The following TEX36 variants were observed in gnomAD, a reference collection of about 807,000 sequenced individuals.
TEX36 encodes the protein testis expressed 36.
TEX36 carries 12 observed loss-of-function variants against 13.6 expected under a neutral mutation model. The ratio of observed to expected loss-of-function variants is 0.88; its 90% CI spans 0.56 to 1.43. The LOEUF is 1.43. Among genes scored for constraint, TEX36 ranks in the 40% most tolerant of loss-of-function variants. TEX36 has a pLI of 0.00. For missense variants in TEX36, 224 were observed against 228.3 expected (o/e 0.98, Z 0.12); for synonymous variants, 93 against 83.0 (o/e 1.12, Z -0.65).
chr10:125,628,461 C>T (rs1188000108), intron 3 of TEX36, among the ~76,000 whole-genome samples: 1 of 149,614 alleles, frequency 6.7e-6, no homozygotes, highest in African/African-American at 2.5e-5. Context: ...AGAAAAGAAG[C>T]TGCTTTTTAG....
At position 125,679,625 on chromosome 10, in the gene TEX36, G is replaced by T. The variant is rs145791701; in HGVS notation, c.51+3314C>A. Among the ~76,000 whole-genome samples the T allele has an allele frequency of 3.8e-4, 58 of 152,316 alleles. No individual in the cohort carries two copies. In the East Asian group the frequency reaches 0.011, roughly 29 times the overall value. On this transcript the variant is annotated intron_variant, in intron 1 of 3. Coordinates refer to ENST00000368821, the MANE Select transcript of TEX36 (RefSeq NM_001128202.3). ...CTCACTTACCCTTTCCCCATGTTGG[G>T]AAGTCACTCCTGGCTCCCAGCCGAT...
In TEX36 at chr10:125,656,092, T is replaced by A. The variant is rs199647763; in HGVS notation, c.369A>T (p.Ser123=). Residue 123 remains serine, a synonymous_variant, in exon 4 of 4, where the codon TCA becomes TCT. Coordinates refer to ENST00000368821, the MANE Select transcript of TEX36 (RefSeq NM_001128202.3). ...TATATACGTATGATATTTGGTTATT[T>A]GAAAAGCCATCAAGACAAGATGGAA... ...DYVPSCLDGF[S]NNQISYVYKE... 2,898 of 1,551,426 alleles carry A rather than the reference T, an allele frequency of 1.9e-3. 19 individuals are homozygous for A. The highest frequency in any genetic ancestry group is 0.015 in the South Asian group (1,257 of 84,004).
chr10:125,615,948 C>T (rs1278592872), intron 3 of TEX36, among the ~76,000 whole-genome samples: 1 of 152,152 alleles, frequency 6.6e-6, no homozygotes, highest in Non-Finnish European at 1.5e-5. Flanking sequence ...TTGATTATTG[C>T]CACAATTTCA....
At chr10:125,593,188 C>T (rs1490014167) in intron 3 of TEX36, among the ~76,000 whole-genome samples, 2 of 152,224 alleles carry the variant, frequency 1.3e-5, no homozygotes, top group East Asian at 1.9e-4. Context: ...TGCCCAAGGG[C>T]CCCAGCCACC....
chr10:125,605,317 T>C (rs781411545), intron 3 of TEX36, among the ~76,000 whole-genome samples: 3 of 150,252 alleles, frequency 2.0e-5, no homozygotes, highest in Admixed American at 1.3e-4. Context: ...TGTGGTCAGT[T>C]ATTCTCCACA....
intron 3 of TEX36, among the ~76,000 whole-genome samples, chr10:125,592,824 G>A (rs1197070822): frequency 6.6e-6 from 1 of 152,098 alleles, no homozygotes; most frequent in Admixed American, 6.5e-5. Flanking sequence ...ACTTTACTTA[G>A]GCTCACCCAT....
At chr10:125,632,930 C>A (rs1846575976) in intron 3 of TEX36, among the ~76,000 whole-genome samples, 1 of 152,136 alleles carries the variant, frequency 6.6e-6, no homozygotes, top group Admixed American at 6.5e-5. Context: ...TCAAGACCAG[C>A]CTGGCCAATA....
downstream of TEX36, among the ~76,000 whole-genome samples, chr10:125,653,203 C>T (rs1846889552): frequency 6.6e-6 from 1 of 152,096 alleles, no homozygotes; most frequent in South Asian, 2.1e-4. Context: ...TTTATTGTGG[C>T]ACTATTCACA....
intron 1 of TEX36, among the ~76,000 whole-genome samples, chr10:125,666,666 C>T (rs552299478): frequency 1.3e-5 from 2 of 152,070 alleles, no homozygotes; most frequent in South Asian, 2.1e-4. Context: ...CTCTCCCCGC[C>T]CCCCCTCCTC....
intron 1 of TEX36, among the ~76,000 whole-genome samples, chr10:125,679,963 T>C (rs965909945): frequency 2.0e-5 from 3 of 152,208 alleles, no homozygotes; most frequent in South Asian, 2.1e-4. Context: ...CAAACACCTA[T>C]GCCTGTGAGA....
chr10:125,608,634 GCACCCC>G, intron 3 of TEX36, among the ~76,000 whole-genome samples: 1 of 152,114 alleles, frequency 6.6e-6, no homozygotes, highest in Non-Finnish European at 1.5e-5. Flanking sequence ...GCCCCCTGGA[GCACCCC>G]TATTTCAGCC....
chr10:125,648,882 C>T (rs1488010502), intron 3 of TEX36, among the ~76,000 whole-genome samples: 9 of 151,992 alleles, frequency 5.9e-5, no homozygotes, highest in South Asian at 4.1e-4. Flanking sequence ...GTAGCCGATT[C>T]GATCAACTGG....
chr10:125,627,012 G>C (rs1023395678), intron 3 of TEX36, among the ~76,000 whole-genome samples: 2 of 152,140 alleles, frequency 1.3e-5, no homozygotes, highest in African/African-American at 4.8e-5. Flanking sequence ...AAGAATAACA[G>C]GATCTTGGAA....
chr10:125,641,841 T>C (rs983709810), intron 3 of TEX36, among the ~76,000 whole-genome samples: 3 of 152,230 alleles, frequency 2.0e-5, no homozygotes, highest in Non-Finnish European at 2.9e-5. Flanking sequence ...TCCATTCCTG[T>C]GCAGTATCCT....
chr10:125,657,386 C>T (rs111536345), intron 3 of TEX36, among the ~76,000 whole-genome samples: 253 of 152,172 alleles, frequency 1.7e-3, no homozygotes, highest in Middle Eastern at 0.014. Context: ...GCCCCCAGAA[C>T]CAGAGTAGGG....
At chr10:125,581,664 C>T (rs374168219) in intron 3 of TEX36, among the ~76,000 whole-genome samples, 4 of 152,182 alleles carry the variant, frequency 2.6e-5, no homozygotes, top group African/African-American at 7.2e-5. Context: ...TTTTTCCCCC[C>T]TAAGGTTGAG....
At chr10:125,579,376 T>C (rs1344711786) in intron 3 of TEX36, among the ~76,000 whole-genome samples, 5 of 152,122 alleles carry the variant, frequency 3.3e-5, no homozygotes, top group Non-Finnish European at 7.3e-5. Context: ...CCAGGTCTCA[T>C]GAGAATTCAC....
intron 3 of TEX36, among the ~76,000 whole-genome samples, chr10:125,635,749 C>T (rs1200261736): frequency 6.6e-6 from 1 of 152,166 alleles, no homozygotes; most frequent in African/African-American, 2.4e-5. Context: ...AGCCAGTGCC[C>T]AGTTAATGGT....
chr10:125,666,887 G>C, intron 1 of TEX36: 1 of 424,212 alleles, frequency 2.4e-6, no homozygotes, highest in South Asian at 2.5e-5. Context: ...AGTAGGTATG[G>C]TTAGAGATGA....
Sources: gnomAD v4.1 joint callset for allele counts (sites outside exome capture counted in the v4.1 genomes callset) on GRCh38, gnomAD v4.1.1 for gene constraint, MANE v1.5 for transcripts, NCBI Gene and HGNC (gene_info 2026-07-23, HGNC 2026-07-21) for gene names.